Variants in KIRREL3 observed in about 807,000 individuals in gnomAD.
The protein encoded by KIRREL3 is kirre like nephrin family adhesion molecule 3.
A neutral mutation model predicts 89.7 loss-of-function variants in KIRREL3; 36 were observed. The ratio of observed to expected loss-of-function variants is 0.40; its 90% CI spans 0.31 to 0.53. The LOEUF is 0.53. Among genes scored for constraint, KIRREL3 ranks in the 20% least tolerant of loss-of-function variants. The pLI is 0.49. For synonymous variants in KIRREL3, 445 were observed against 441.4 expected, an observed-to-expected ratio of 1.01 and a Z score of -0.10; for missense variants, 864 against 1,056.6, an observed-to-expected ratio of 0.82 and a Z score of 2.53.
At chr11:126,721,422 C>T (rs58042496) in intron 1 of KIRREL3, among the ~76,000 whole-genome samples, 2 of 151,260 alleles carry the variant, frequency 1.3e-5, no homozygotes, top group East Asian at 2.0e-4. Flanking sequence ...CCTAGCTACT[C>T]GGGAGGCTGA....
Position 126,744,888 on chromosome 11 carries a change from A to C in KIRREL3, c.56-181976T>G, listed in dbSNP as rs1166214387. ...ACATAGTAAGTGCTAAAAAAAAAAA[A>C]AAAGGTGGGAAAAGTAGCTGAGAAC... On this transcript the variant is annotated intron_variant, in intron 1 of 16. Transcript: ENST00000525144. This position sits in a 1 kb window ranked among gnomAD's most constrained non-coding sequence, Gnocchi z 4.7. Among the ~76,000 whole-genome samples the C allele has an allele frequency of 6.6e-6, 1 of 152,158 alleles. No homozygotes were observed. The highest frequency in any genetic ancestry group is 1.5e-5 in the Non-Finnish European group (1 of 68,012).
In KIRREL3 at chr11:126,876,776, C is replaced by T. The variant is rs917761606; in HGVS notation, c.55+123679G>A. Among the ~76,000 whole-genome samples, 3 of 152,070 alleles carry T rather than the reference C, an allele frequency of 2.0e-5. No individual in the cohort carries two copies. Among genetic ancestry groups the T allele is most frequent in the African/African-American group, 7.2e-5 (3 of 41,404 alleles). On this transcript the variant is annotated intron_variant, in intron 1 of 16. Transcript: ENST00000525144. This position sits in a 1 kb window ranked among gnomAD's most constrained non-coding sequence, Gnocchi z 4.1. ...GCTGGTTTTGAACTCATGACCTGAT[C>T]TGCCCGCCTCAGCCTCCCGAAGTGC...
Position 126,682,498 on chromosome 11 carries a change from T to A in KIRREL3, c.56-119586A>T, listed in dbSNP as rs1462347687. Among the ~76,000 whole-genome samples the A allele has an allele frequency of 1.3e-5, 2 of 152,172 alleles. No homozygotes were observed. Among genetic ancestry groups the A allele is most frequent in the African/African-American group, 4.8e-5 (2 of 41,440 alleles). ...TTACCAGGCTTTTTTTCACCTCAAA[T>A]GAGTGATGACCTCTGAGTGCGGAGC... On this transcript the variant is annotated intron_variant, in intron 1 of 16. Coordinates refer to ENST00000525144, the MANE Select transcript of KIRREL3 (RefSeq NM_032531.4). This position sits in a 1 kb window ranked among gnomAD's most constrained non-coding sequence, Gnocchi z 4.8.
At chr11:126,482,504 G>A (rs1957248108) in intron 4 of KIRREL3, among the ~76,000 whole-genome samples, 1 of 152,230 alleles carries the variant, frequency 6.6e-6, no homozygotes, top group South Asian at 2.1e-4. Context: ...CAGATTCACT[G>A]TATAGTTGCC....
Position 126,431,586 on chromosome 11 carries a change from T to G in KIRREL3, c.1589-60A>C. 1 of 1,523,900 alleles carries G rather than the reference T, an allele frequency of 6.6e-7. No individual in the cohort carries two copies. The highest frequency in any genetic ancestry group is 9.0e-7 in the Non-Finnish European group (1 of 1,111,940). The allele number at this position is 1,523,900 out of a possible 1,614,324, so 94.4% of individuals were successfully genotyped here. On this transcript the variant is annotated intron_variant, in intron 13 of 16. Transcript: ENST00000525144. This position sits in a 1 kb window ranked among gnomAD's most constrained non-coding sequence, Gnocchi z 7.1. ...TGGGGAATGGCCTACTATCCCCCCA[T>G]GATCTCACCCCGTTCCTGCGGGGGC...
Position 126,931,802 on chromosome 11 carries a change from T to C in KIRREL3, c.55+68653A>G, listed in dbSNP as rs1336404024. On this transcript the variant is annotated intron_variant, in intron 1 of 16. Transcript: ENST00000525144. This position sits in a 1 kb window ranked among gnomAD's most constrained non-coding sequence, Gnocchi z 5.1. ...GGCAAAGAGAAAAGATGGTGACAAA[T>C]GATGCTAGTAACTGAGGGCTGCCAG... Among the ~76,000 whole-genome samples, 1 of 152,028 alleles carries C rather than the reference T, an allele frequency of 6.6e-6. No individual in the cohort carries two copies. The highest frequency in any genetic ancestry group is 1.9e-4 in the East Asian group (1 of 5,178).
Position 126,723,533 on chromosome 11 carries a change from CA to C in KIRREL3, c.56-160622del, listed in dbSNP as rs1282007456. Among the ~76,000 whole-genome samples the C allele has an allele frequency of 6.6e-6, 1 of 152,192 alleles. No individual in the cohort carries two copies. The highest frequency in any genetic ancestry group is 1.5e-5 in the Non-Finnish European group (1 of 68,020). ...TTTACCTCACACCTCCCTTAGTAGG[CA>C]AGAAAGCATTTCCTAAACCCTTCTC... On this transcript the variant is annotated intron_variant, in intron 1 of 16. Coordinates refer to ENST00000525144, the MANE Select transcript of KIRREL3 (RefSeq NM_032531.4). This position sits in a 1 kb window ranked among gnomAD's most constrained non-coding sequence, Gnocchi z 4.0.
intron 1 of KIRREL3, among the ~76,000 whole-genome samples, chr11:126,864,775 G>T (rs1166405892): frequency 6.6e-6 from 1 of 152,142 alleles, no homozygotes; most frequent in Non-Finnish European, 1.5e-5. Flanking sequence ...TGCCTTGAGT[G>T]CATGCCTCTA....
intron 1 of KIRREL3, among the ~76,000 whole-genome samples, chr11:126,850,816 C>T (rs553160029): frequency 1.3e-5 from 2 of 152,302 alleles, no homozygotes; most frequent in African/African-American, 4.8e-5. Context: ...AGATTAGGAT[C>T]CTGGAGTACT....
At position 126,476,844 on chromosome 11, in the gene KIRREL3, C is replaced by T. The variant is rs1406330343; in HGVS notation, c.434-3378G>A. Among the ~76,000 whole-genome samples the T allele has an allele frequency of 6.6e-6, 1 of 152,210 alleles. No individual in the cohort carries two copies. Among genetic ancestry groups the T allele is most frequent in the Non-Finnish European group, 1.5e-5 (1 of 68,036 alleles). On this transcript the variant is annotated intron_variant, in intron 4 of 16. Transcript: ENST00000525144. The surrounding 1 kb of genome is among the most constrained non-coding windows in gnomAD (Gnocchi z 6.4). ...GAGGGGAGGAAGTTTCAGAGTGGTCCCCGCTTGGAGATGTATTATTCATCA... is the reference window on the plus strand; with the variant it reads ...GAGGGGAGGAAGTTTCAGAGTGGTCTCCGCTTGGAGATGTATTATTCATCA...
At chr11:126,874,703 A>G (rs1313428749) in intron 1 of KIRREL3, among the ~76,000 whole-genome samples, 1 of 152,164 alleles carries the variant, frequency 6.6e-6, no homozygotes, top group African/African-American at 2.4e-5. Flanking sequence ...TTCCTCAAAT[A>G]CTTAAACTGG....
rs573312738 is a variant in KIRREL3, at chr11:126,490,590, G to A, written c.434-17124C>T. Among the ~76,000 whole-genome samples, 12 of 152,156 alleles carry A rather than the reference G, an allele frequency of 7.9e-5. No individual in the cohort carries two copies. Among genetic ancestry groups the A allele is most frequent in the Non-Finnish European group, 1.5e-4 (10 of 68,032 alleles). On this transcript the variant is annotated intron_variant, in intron 4 of 16. Transcript: ENST00000525144. This position sits in a 1 kb window ranked among gnomAD's most constrained non-coding sequence, Gnocchi z 4.2. ...TGGACTCCCGGTTCCAGGCTGCATG[G>A]CCTTGGATACGTTAATTAGTTATTT... is the stretch of plus-strand genomic sequence containing the variant.
chr11:126,672,431 G>A (rs1945996546), intron 1 of KIRREL3, among the ~76,000 whole-genome samples: 1 of 152,138 alleles, frequency 6.6e-6, no homozygotes, highest in Non-Finnish European at 1.5e-5. Flanking sequence ...CGACAACATG[G>A]ATGTATCTTA....
chr11:126,969,827 C>T lies in KIRREL3; in HGVS notation c.55+30628G>A, dbSNP rs1591400041. On this transcript the variant is annotated intron_variant, in intron 1 of 16. Transcript: ENST00000525144. The surrounding 1 kb of genome is among the most constrained non-coding windows in gnomAD (Gnocchi z 4.9). ...AGGAAGGAAAAAGGTAGCAGACAGC[C>T]TTTCCCTTCTCTTCTCCTTTCTCTC... Among the ~76,000 whole-genome samples, 2 of 152,198 alleles carry T rather than the reference C, an allele frequency of 1.3e-5. No homozygotes were observed. Among genetic ancestry groups the T allele is most frequent in the African/African-American group, 2.4e-5 (1 of 41,436 alleles).
rs1204470342 is a variant in KIRREL3, at chr11:126,647,579, A to T, written c.56-84667T>A. 6.6e-6 allele frequency among the ~76,000 whole-genome samples: 1 copy of T among 152,212 alleles called. No individual in the cohort carries two copies. The highest frequency in any genetic ancestry group is 1.5e-5 in the Non-Finnish European group (1 of 68,034). ...CCCAAAAGTTTACAGCGAAGATCAAATCTGTCAGCAAATCCCTTTGGTTCT... is the reference window on the plus strand; with the variant it reads ...CCCAAAAGTTTACAGCGAAGATCAATTCTGTCAGCAAATCCCTTTGGTTCT... On this transcript the variant is annotated intron_variant, in intron 1 of 16. Coordinates refer to ENST00000525144, the MANE Select transcript of KIRREL3 (RefSeq NM_032531.4). This position sits in a 1 kb window ranked among gnomAD's most constrained non-coding sequence, Gnocchi z 4.9.
At chr11:126,826,024 C>T (rs999698933) in intron 1 of KIRREL3, among the ~76,000 whole-genome samples, 3 of 152,138 alleles carry the variant, frequency 2.0e-5, no homozygotes, top group African/African-American at 4.8e-5. Context: ...TGTCGAGTGC[C>T]GGTCCTTCCT....
In KIRREL3 at chr11:126,896,217, A is replaced by G. The variant is rs1437942286; in HGVS notation, c.55+104238T>C. ...AGAAGTCATTCTCCAGGACTCTGTG[A>G]GTTCTCTAATCCACTGCTAGGCAGT... On this transcript the variant is annotated intron_variant, in intron 1 of 16. Transcript: ENST00000525144. This position sits in a 1 kb window ranked among gnomAD's most constrained non-coding sequence, Gnocchi z 4.1. 1.3e-5 allele frequency among the ~76,000 whole-genome samples: 2 copies of G among 152,250 alleles called. No homozygotes were observed. The highest frequency in any genetic ancestry group is 3.8e-4 in the East Asian group (2 of 5,200).
At chr11:126,856,853 A>T (rs899934761) in intron 1 of KIRREL3, among the ~76,000 whole-genome samples, 1 of 152,102 alleles carries the variant, frequency 6.6e-6, no homozygotes, top group Non-Finnish European at 1.5e-5. Context: ...TCGGCCTCCC[A>T]AAGTGCTGGG....
intron 4 of KIRREL3, among the ~76,000 whole-genome samples, chr11:126,480,640 C>T (rs1451862312): frequency 6.6e-6 from 1 of 152,224 alleles, no homozygotes; most frequent in Non-Finnish European, 1.5e-5. Context: ...TGTCCTGGCC[C>T]TAGAGCTCTG....
Sources: allele counts gnomAD v4.1 joint callset (sites outside exome capture counted in the v4.1 genomes callset), GRCh38; gene constraint gnomAD v4.1.1; non-coding constraint Gnocchi (gnomAD v3.1); transcripts MANE v1.5; gene names NCBI Gene and HGNC (gene_info 2026-07-23, HGNC 2026-07-21).